Variants in TSC2 observed in about 807,000 individuals in gnomAD.
TSC2 encodes TSC complex subunit 2, also known as tuberin.
TSC2 carries 29 observed loss-of-function variants against 202.2 expected under a neutral mutation model. The observed-to-expected ratio is 0.14, with a 90% confidence interval of 0.11 to 0.20. The LOEUF is 0.20. Ranked by LOEUF, TSC2 falls within the 10% of genes least tolerant of loss-of-function variation. The pLI is 1.00. For missense variants in TSC2, 2,429 were observed against 2,420.0 expected, an observed-to-expected ratio of 1.00 and a Z score of -0.08; for synonymous variants, 1,349 against 1,044.0, an observed-to-expected ratio of 1.29 and a Z score of -5.63.
chr16:2,048,234 C>G lies in TSC2; in HGVS notation c.-30+169C>G. ...AGTCATGGCGGGTGCGAACGGGTCT[C>G]TGCTGCAGGCGGCTCCGTGACAGCT... On this transcript the variant is annotated intron_variant, in intron 1 of 41. Transcript: ENST00000219476. The G allele has an allele frequency of 2.8e-6, 4 of 1,426,620 alleles. No homozygotes were observed. The Middle Eastern group carries it at 6.9e-4, about 247-fold the overall frequency. The allele number at this position is 1,426,620 out of a possible 1,614,324, so 88.4% of individuals were successfully genotyped here. A position where few individuals can be genotyped will look rare whatever the true frequency, so the allele number is the denominator to read the frequency against.
In TSC2 at chr16:2,062,547, G is replaced by C. The variant is rs753764275; in HGVS notation, c.1308G>C (p.Pro436=). 3 of 1,612,306 alleles carry C rather than the reference G, an allele frequency of 1.9e-6. No homozygotes were observed. The highest frequency in any genetic ancestry group is 2.7e-5 in the African/African-American group (2 of 74,920). Residue 436 remains proline, a synonymous_variant, in exon 13 of 42, where the codon CCG becomes CCC. Transcript: ENST00000219476. ...LISYRAQSIH[P]AKDGWIQNLQ... The stretch of plus-strand genomic sequence containing the variant: ...CCTATAGAGCGCAGTCCATCCACCC[G>C]GCCAAGGACGGCTGGATTCAGAACC...
chr16:2,054,458 T>C lies in TSC2; in HGVS notation c.481+18T>C, dbSNP rs1360550363. On this transcript the variant is annotated intron_variant, in intron 5 of 41. Coordinates refer to ENST00000219476, the MANE Select transcript of TSC2 (RefSeq NM_000548.5). The stretch of plus-strand genomic sequence containing the variant: ...AGAGCTGGGTGGGTGCCACCTTGGG[T>C]TGGAGGTTTCTCTGGCCTTGACGAT... 1 of 1,613,942 alleles carries C rather than the reference T, an allele frequency of 6.2e-7. No individual in the cohort carries two copies. The highest frequency in any genetic ancestry group is 1.7e-5 in the Admixed American group (1 of 60,012).
intron 26 of TSC2, 76 bp from the exon 27 acceptor site, chr16:2,078,956 G>A: frequency 6.3e-7 from 1 of 1,597,240 alleles, no homozygotes; most frequent in Non-Finnish European, 8.5e-7. Flanking sequence ...CATGCGTTGA[G>A]CTTTGGCCCT....
chr16:2,067,275 C>T (rs1276961552), intron 16 of TSC2, among the ~76,000 whole-genome samples: 2 of 152,002 alleles, frequency 1.3e-5, no homozygotes, highest in Non-Finnish European at 2.9e-5. Flanking sequence ...CGTCCTGCCT[C>T]GGAGGCCTCC....
intron 14 of TSC2, chr16:2,063,923 C>T (rs774444278): frequency 4.0e-5 from 17 of 419,850 alleles, no homozygotes; most frequent in Non-Finnish European, 6.8e-5. Flanking sequence ...CAGCCACACA[C>T]ACCCTCACGC....
intron 30 of TSC2, 59 bp from the exon 31 acceptor site, chr16:2,081,536 G>T: frequency 6.2e-7 from 1 of 1,609,596 alleles, no homozygotes; most frequent in Non-Finnish European, 8.5e-7. Context: ...CCCCTGGGGG[G>T]CCAGAGATGG....
At chr16:2,082,528 G>T in intron 32 of TSC2, 24 bp downstream of exon 32, 1 of 1,608,474 alleles carries the variant, frequency 6.2e-7, no homozygotes, top group Non-Finnish European at 8.5e-7. Context: ...GAGGGAAGCG[G>T]TTGGCTGCAG....
In TSC2 at chr16:2,058,886, C is replaced by G. The variant is rs200564575; in HGVS notation, c.975+13C>G. The G allele has an allele frequency of 6.2e-7, 1 of 1,605,670 alleles. No individual in the cohort carries two copies. The highest frequency in any genetic ancestry group is 1.3e-5 in the African/African-American group (1 of 75,014). On this transcript the variant is annotated intron_variant, in intron 10 of 41. Transcript: ENST00000219476. Reference sequence around the variant, plus strand: ...ATCATTTTACCAGGTAAGGCGGTTTCTGTGTGCAGTGAGCTGGCAGGAACG... The same window carrying G: ...ATCATTTTACCAGGTAAGGCGGTTTGTGTGTGCAGTGAGCTGGCAGGAACG...
Position 2,080,603 on chromosome 16 carries a change from C to T in TSC2, c.3610+226C>T, listed in dbSNP as rs182662506. 6,054 of 573,472 alleles carry T rather than the reference C, an allele frequency of 0.011. 57 individuals are homozygous for T. The highest frequency in any genetic ancestry group is 0.013 in the Non-Finnish European group (4,405 of 329,556). 35.5% of individuals were successfully genotyped at this position (573,472 alleles called of 1,614,324 possible). A position where few individuals can be genotyped will look rare whatever the true frequency, so the allele number is the denominator to read the frequency against. ...GGTTCACGCCATTCTCCTGCCTCAG[C>T]CTCCCGAGTAGCTGGGACCACAGGC... is the stretch of plus-strand genomic sequence containing the variant. On this transcript the variant is annotated intron_variant, in intron 30 of 41. Transcript: ENST00000219476.
At chr16:2,071,286 C>G (rs1213419718) in intron 17 of TSC2, 1 of 611,746 alleles carries the variant, frequency 1.6e-6, no homozygotes, top group Non-Finnish European at 3.0e-6. Flanking sequence ...GGACACCAGG[C>G]TCTGTGAGCT....
At position 2,084,232 on chromosome 16, in the gene TSC2, C is replaced by T. The variant is rs200411484; in HGVS notation, c.4010C>T (p.Ser1337Phe). Residue 1337 changes from serine (S) to phenylalanine (F), a missense_variant, in exon 34 of 42, where the codon TCC becomes TTC. Ser to Phe is a radical substitution (Grantham distance 155, BLOSUM62 -2). Transcript: ENST00000219476. ...CTTTGGGATGGTCCTTTCTAGTCGT[C>T]CTCAGTCTCCAGCCAGGAGGAGAAG... is the stretch of plus-strand genomic sequence containing the variant. ...DRRTDAYSRS[S>F]SVSSQEEKSL... The T allele has an allele frequency of 1.5e-5, 24 of 1,589,524 alleles. No homozygotes were observed. Among genetic ancestry groups the T allele is most frequent in the South Asian group, 6.8e-5 (6 of 88,012 alleles).
At chr16:2,069,691 A>G (rs1338908463) in intron 16 of TSC2, among the ~76,000 whole-genome samples, 1 of 152,228 alleles carries the variant, frequency 6.6e-6, no homozygotes, top group Non-Finnish European at 1.5e-5. Context: ...CATGTTAGCC[A>G]GGATGGTCTT....
intron 24 of TSC2, 75 bp from the exon 25 acceptor site, chr16:2,076,416 G>A: frequency 1.3e-6 from 2 of 1,593,028 alleles, no homozygotes; most frequent in Non-Finnish European, 1.7e-6. Flanking sequence ...TGGCCAGGGG[G>A]CACCCGGCAG....
At chr16:2,059,101 C>T (rs2086285316) in intron 10 of TSC2, among the ~76,000 whole-genome samples, 1 of 148,556 alleles carries the variant, frequency 6.7e-6, no homozygotes. Context: ...TGACTGCAAT[C>T]TCCGCCTCCC....
intron 22 of TSC2, 81 bp downstream of exon 22, chr16:2,074,470 C>T (rs2088967442): frequency 1.9e-6 from 3 of 1,545,496 alleles, no homozygotes; most frequent in Non-Finnish European, 2.6e-6. Flanking sequence ...TGCCCTCTCT[C>T]AGGACTCCTT....
chr16:2,065,656 C>T (rs746358930), intron 16 of TSC2, 21 bp downstream of exon 16: 2 of 1,606,178 alleles, frequency 1.2e-6, no homozygotes, highest in Non-Finnish European at 1.7e-6. Context: ...TGCACGAGGC[C>T]TCTGCTCCCG....
chr16:2,079,200 C>T lies in TSC2; in HGVS notation c.3131+4C>T, dbSNP rs559015964. ...ACTTCACGGCTGTCCCGAAGAGGTC[C>T]AGGCGGCACTACAGGGCTGGGCGGG... On this transcript the variant is annotated splice_donor_region_variant and intron_variant, in intron 27 of 41. Transcript: ENST00000219476. The surrounding 1 kb of genome is among the most constrained non-coding windows in gnomAD (Gnocchi z 4.6). 4 of 1,612,908 alleles carry T rather than the reference C, an allele frequency of 2.5e-6. No individual in the cohort carries two copies. Among genetic ancestry groups the T allele is most frequent in the East Asian group, 2.2e-5 (1 of 44,868 alleles).
intron 12 of TSC2, 49 bp downstream of exon 12, chr16:2,062,057 G>A (rs2086708086): frequency 6.2e-7 from 1 of 1,612,208 alleles, no homozygotes; most frequent in East Asian, 2.2e-5. Context: ...TGGTGGGGAG[G>A]GGCCGGGTGC....
At position 2,080,286 on chromosome 16, in the gene TSC2, C is replaced by T. The variant is rs754306983; in HGVS notation, c.3519C>T (p.Thr1173=). The change falls in exon 30 of 42, where the codon ACC becomes ACT. Residue 1173 remains threonine (T), a synonymous_variant. Transcript: ENST00000219476. The part of the protein sequence containing the change: ...AAKPEKASAG[T]RVPVQEKTNL... ...AACCTGAGAAGGCCTCAGCTGGCACCCGGGTTCCTGTGCAGGAGAAGACGA... is the reference window on the plus strand; with the variant it reads ...AACCTGAGAAGGCCTCAGCTGGCACTCGGGTTCCTGTGCAGGAGAAGACGA... 2 of 1,612,970 alleles carry T rather than the reference C, an allele frequency of 1.2e-6. No homozygotes were observed. The highest frequency in any genetic ancestry group is 1.7e-5 in the Admixed American group (1 of 60,024).
Sources: gnomAD v4.1 joint callset for allele counts (sites outside exome capture counted in the v4.1 genomes callset) on GRCh38, gnomAD v4.1.1 for gene constraint, Gnocchi (gnomAD v3.1) non-coding constraint, MANE v1.5 for transcripts, NCBI Gene and HGNC (gene_info 2026-07-23, HGNC 2026-07-21) for gene names.